DYNC2I1: variants seen among roughly 807,000 people sequenced by gnomAD.
The protein encoded by DYNC2I1 is dynein 2 intermediate chain 1.
Under a neutral mutation model 133.4 loss-of-function variants are expected in DYNC2I1, and 89 were observed. That is an observed-to-expected ratio of 0.67 (90% CI 0.56 to 0.80). The LOEUF (loss-of-function observed/expected upper bound fraction) is 0.80. DYNC2I1 is among the 30% of genes least tolerant of loss of function. DYNC2I1 has a pLI of 0.00. For synonymous variants in DYNC2I1, 504 were observed against 484.3 expected (o/e 1.04, Z -0.54); for missense variants, 1,291 against 1,314.5 (o/e 0.98, Z 0.28).
rs767293543 is a variant in DYNC2I1, at chr7:158,942,045, C to T, written c.2899C>T (p.Pro967Ser). Residue 967 changes from proline to serine, a missense_variant, in exon 24 of 25, where the codon CCT becomes TCT. Coordinates refer to ENST00000407559, the MANE Select transcript of DYNC2I1 (RefSeq NM_018051.5). ...CGGCCTGCAGTGGTCCCCAACCAGG[C>T]CTGCCGTGTTCCTGGTGCAGGACGA... is the stretch of plus-strand genomic sequence containing the variant. ...VTGLQWSPTR[P>S]AVFLVQDDTS... The T allele has an allele frequency of 1.2e-6, 2 of 1,613,214 alleles. No individual in the cohort carries two copies. Among genetic ancestry groups the T allele is most frequent in the Non-Finnish European group, 1.7e-6 (2 of 1,179,612 alleles).
At chr7:158,949,444 G>T (rs2129490215), downstream of DYNC2I1, among the ~76,000 whole-genome samples, 2 of 152,328 alleles carry the variant, frequency 1.3e-5, no homozygotes, top group South Asian at 4.1e-4. Flanking sequence ...CAAGAGGAAG[G>T]GTGCACCCGG....
intron 3 of DYNC2I1, among the ~76,000 whole-genome samples, chr7:158,874,674 C>G (rs1254658837): frequency 6.6e-6 from 1 of 152,164 alleles, no homozygotes; most frequent in African/African-American, 2.4e-5. Flanking sequence ...GTCCCCAGGC[C>G]TCCTCTCCAG....
At chr7:158,859,305 G>A (rs761735585) in intron 1 of DYNC2I1, among the ~76,000 whole-genome samples, 34 of 151,936 alleles carry the variant, frequency 2.2e-4, no homozygotes, top group Non-Finnish European at 4.0e-4. Flanking sequence ...CTTTGAAGAT[G>A]GTTTACTTTT....
At chr7:158,866,348 T>C (rs573721318) in intron 1 of DYNC2I1, among the ~76,000 whole-genome samples, 1 of 151,750 alleles carries the variant, frequency 6.6e-6, no homozygotes, top group South Asian at 2.1e-4. Flanking sequence ...CCATGTCTCC[T>C]GGTTGGACTG....
At chr7:158,882,875 CAAAAAAAA>C (rs71200076) in intron 5 of DYNC2I1, among the ~76,000 whole-genome samples, 1 of 108,554 alleles carries the variant, frequency 9.2e-6, no homozygotes, top group African/African-American at 3.3e-5. Context: ...GCCTTTGTCT[CAAAAAAAA>C]AAAAAAAAGG....
chr7:158,891,484 A>G (rs1285549744), intron 8 of DYNC2I1, 151 bp downstream of exon 8: 4 of 344,666 alleles, frequency 1.2e-5, no homozygotes, highest in African/African-American at 4.5e-5. Context: ...TGAGATTTTC[A>G]TATGAAATTC....
chr7:158,952,164 G>A (rs1852073917), intron 4 of DYNC2I1, among the ~76,000 whole-genome samples: 1 of 152,180 alleles, frequency 6.6e-6, no homozygotes, highest in South Asian at 2.1e-4. Flanking sequence ...GGAGGGCGCG[G>A]TAAACACGCA....
chr7:158,857,897 T>A (rs188456573), intron 1 of DYNC2I1, among the ~76,000 whole-genome samples: 9 of 151,752 alleles, frequency 5.9e-5, no homozygotes, highest in African/African-American at 1.9e-4. Flanking sequence ...TTCCAGCGAT[T>A]CTCCTGCCTC....
intron 24 of DYNC2I1, among the ~76,000 whole-genome samples, chr7:158,942,402 C>T (rs1462655806): frequency 1.3e-5 from 2 of 152,216 alleles, no homozygotes; most frequent in African/African-American, 2.4e-5. Context: ...GAGGCACGTG[C>T]GGTGCAATCA....
Position 158,926,433 on chromosome 7 carries a change from C to G in DYNC2I1, c.2403C>G (p.Ser801=), listed in dbSNP as rs1404570919. The G allele has an allele frequency of 6.2e-7, 1 of 1,613,522 alleles. No homozygotes were observed. Among genetic ancestry groups the G allele is most frequent in the Non-Finnish European group, 8.5e-7 (1 of 1,179,672 alleles). The change falls in exon 19 of 25, where the codon TCC becomes TCG. Residue 801 remains serine (S), a synonymous_variant. Transcript: ENST00000407559. ...CAGGTTTGTCCTTCCACATCGCTTC[C>G]TTGGATGAGAGTGGGGTTCTCAATG... ...EMSGLSFHIA[S]LDESGVLNVW...
At chr7:158,915,309 G>GTC (rs1847966685) in intron 14 of DYNC2I1, among the ~76,000 whole-genome samples, 1 of 14,274 alleles carries the variant, frequency 7.0e-5, no homozygotes, top group Non-Finnish European at 1.6e-4. Context: ...TGTGAAACCT[G>GTC]GACACGCTGG....
intron 8 of DYNC2I1, among the ~76,000 whole-genome samples, chr7:158,894,517 G>GTC (rs1845590738): frequency 6.6e-6 from 1 of 152,160 alleles, no homozygotes; most frequent in Non-Finnish European, 1.5e-5. Context: ...GTCTCTTCAA[G>GTC]GCTTTTAATA....
At chr7:158,941,061 C>G (rs963196002) in intron 23 of DYNC2I1, among the ~76,000 whole-genome samples, 2 of 151,810 alleles carry the variant, frequency 1.3e-5, no homozygotes, top group African/African-American at 4.8e-5. Flanking sequence ...GAAAGATAAG[C>G]AAAATCGACA....
chr7:158,899,322 A>G (rs141118842), intron 8 of DYNC2I1, among the ~76,000 whole-genome samples: 1 of 152,334 alleles, frequency 6.6e-6, no homozygotes, highest in Non-Finnish European at 1.5e-5. Flanking sequence ...AACTATGCAT[A>G]TGTGTACACA....
At chr7:158,889,321 C>A (rs1330158850) in intron 7 of DYNC2I1, among the ~76,000 whole-genome samples, 1 of 151,832 alleles carries the variant, frequency 6.6e-6, no homozygotes, top group Non-Finnish European at 1.5e-5. Flanking sequence ...ACCTCATGAT[C>A]CACCTGTCTC....
At chr7:158,891,446 C>T (rs1845208742) in intron 8 of DYNC2I1, 113 bp downstream of exon 8, 1 of 1,168,206 alleles carries the variant, frequency 8.6e-7, no homozygotes, top group Non-Finnish European at 1.3e-6. Context: ...CCCTTTCAGA[C>T]AGCAGAACAT....
intron 10 of DYNC2I1, chr7:158,904,809 A>G: frequency 4.8e-6 from 1 of 208,372 alleles, no homozygotes; most frequent in Non-Finnish European, 9.8e-6. Flanking sequence ...ACTTGAGCTC[A>G]GGCCCCTGAC....
the DYNC2I1 span, among the ~76,000 whole-genome samples, chr7:158,841,158 AATATATATATATATATATATATAT>A: frequency 0.089 from 5,909 of 66,404 alleles, 593 homozygotes; most frequent in Non-Finnish European, 0.12. Context: ...TAGGTCTGCA[AATATATATATATATATATATATAT>A]ATATATATAT....
chr7:158,927,100 A>C lies in DYNC2I1; in HGVS notation c.2485+57A>C, dbSNP rs189212243. On this transcript the variant is annotated intron_variant, in intron 20 of 24. Transcript: ENST00000407559. ...GTTTTCTAAAATGAATCGAGATTAA[A>C]AGTACTGATAACTGCGGTCAGGTGC... is the stretch of plus-strand genomic sequence containing the variant. 5.6e-4 allele frequency: 731 copies of C among 1,298,554 alleles called. 5 individuals carry two copies. In the East Asian group the frequency reaches 0.016, roughly 28 times the overall value. The allele number at this position is 1,298,554 out of a possible 1,614,324, so 80.4% of individuals were successfully genotyped here.
Sources: gnomAD v4.1 joint callset for allele counts (sites outside exome capture counted in the v4.1 genomes callset) on GRCh38, gnomAD v4.1.1 for gene constraint, MANE v1.5 for transcripts, NCBI Gene and HGNC (gene_info 2026-07-23, HGNC 2026-07-21) for gene names.